Variants in ERC1 observed in about 807,000 individuals in gnomAD.
ERC1 encodes the protein ELKS/RAB6-interacting/CAST family member 1.
A neutral mutation model predicts 132.0 loss-of-function variants in ERC1; 56 were observed. The observed-to-expected ratio is 0.42, with a 90% CI of 0.34 to 0.53. The LOEUF is 0.53. Ranked by LOEUF, ERC1 falls within the 20% of genes least tolerant of loss-of-function variation. The pLI, the probability that ERC1 is intolerant of heterozygous loss-of-function variation, is 0.03. For missense variants in ERC1, 1,202 were observed against 1,349.9 expected, an observed-to-expected ratio of 0.89 and a Z score of 1.72; for synonymous variants, 478 against 476.1, an observed-to-expected ratio of 1.00 and a Z score of -0.05.
intron 8 of ERC1, chr12:1,151,705 C>T (rs527565585): frequency 7.2e-5 from 11 of 151,908 alleles, no homozygotes; most frequent in South Asian, 2.1e-4. Context: ...TTCTACCTAA[C>T]GCTGTTGACA....
intron 15 of ERC1, among the ~76,000 whole-genome samples, chr12:1,362,975 G>T (rs1460427859): frequency 6.6e-6 from 1 of 152,142 alleles, no homozygotes; most frequent in African/African-American, 2.4e-5. Flanking sequence ...AAAGTAACTT[G>T]ATTAAGGAAT....
At chr12:1,180,427 C>T in intron 8 of ERC1, 113 bp from the exon 9 acceptor site, 1 of 871,002 alleles carries the variant, frequency 1.1e-6, no homozygotes, top group Non-Finnish European at 1.7e-6. Flanking sequence ...CTACAGAATG[C>T]ACACACACAG....
At chr12:1,245,503 G>A (rs1159884156) in intron 13 of ERC1, among the ~76,000 whole-genome samples, 1 of 152,094 alleles carries the variant, frequency 6.6e-6, no homozygotes, top group African/African-American at 2.4e-5. Context: ...TATATTGAAA[G>A]TGCTCTGAAA....
intron 2 of ERC1, among the ~76,000 whole-genome samples, chr12:1,076,101 G>A (rs112983770): frequency 0.025 from 3,779 of 152,206 alleles, 146 homozygotes; most frequent in African/African-American, 0.086. Flanking sequence ...GAATATTGTT[G>A]TTAATTTAAA....
At chr12:1,303,803 A>G (rs2080610902) in intron 15 of ERC1, among the ~76,000 whole-genome samples, 1 of 151,792 alleles carries the variant, frequency 6.6e-6, no homozygotes, top group African/African-American at 2.4e-5. Flanking sequence ...AAAAATACAA[A>G]ATTAGCTGGG....
rs777461335 is a variant in ERC1 at position 1,183,388 on chromosome 12, G to A, written c.2124G>A (p.Glu708=). The part of the protein sequence containing the change: ...TLEIALEQKK[E]ECLKMESQLK... The stretch of plus-strand genomic sequence containing the variant: ...AGATTGCTTTGGAGCAGAAGAAGGA[G>A]GAGTGTCTGAAAATGGAATCACAAT... Residue 708 remains glutamate, a synonymous_variant, in exon 11 of 19, where the codon GAG becomes GAA. Coordinates refer to ENST00000360905, the MANE Select transcript of ERC1 (RefSeq NM_178040.4). 1.9e-6 allele frequency: 3 copies of A among 1,587,522 alleles called. No individual in the cohort carries two copies. The highest frequency in any genetic ancestry group is 2.2e-5 in the East Asian group (1 of 44,538).
At chr12:1,203,135 G>A (rs893368030) in intron 12 of ERC1, among the ~76,000 whole-genome samples, 2 of 152,230 alleles carry the variant, frequency 1.3e-5, no homozygotes, top group African/African-American at 4.8e-5. Flanking sequence ...TCGGCTCACT[G>A]CAGCCTCCAC....
chr12:1,118,221 A>C (rs989043463), intron 7 of ERC1, among the ~76,000 whole-genome samples: 1 of 152,216 alleles, frequency 6.6e-6, no homozygotes, highest in African/African-American at 2.4e-5. Context: ...TTGCTACTGT[A>C]ATAGCTTTGG....
At chr12:1,143,810 T>C (rs1950085271) in intron 8 of ERC1, among the ~76,000 whole-genome samples, 1 of 152,130 alleles carries the variant, frequency 6.6e-6, no homozygotes, top group African/African-American at 2.4e-5. Context: ...ATACATTTAT[T>C]AAGCTTCTTC....
intron 2 of ERC1, among the ~76,000 whole-genome samples, chr12:1,073,116 A>C (rs1940706652): frequency 6.6e-6 from 1 of 152,132 alleles, no homozygotes; most frequent in Non-Finnish European, 1.5e-5. Flanking sequence ...CCTGGCCAAT[A>C]TGGTGAAACC....
At chr12:1,352,839 T>C (rs1240271046) in intron 15 of ERC1, among the ~76,000 whole-genome samples, 1 of 152,186 alleles carries the variant, frequency 6.6e-6, no homozygotes, top group Non-Finnish European at 1.5e-5. Context: ...TACAAATACA[T>C]ATTCATTATA....
intron 17 of ERC1, among the ~76,000 whole-genome samples, chr12:1,418,637 TTCTTTC>T (rs1262510250): frequency 0.011 from 728 of 67,096 alleles, 5 homozygotes; most frequent in East Asian, 0.04. Flanking sequence ...CTTTCTTTCT[TTCTTTC>T]TCTCTCTCTC....
chr12:1,317,415 A>G (rs182436840), intron 15 of ERC1, among the ~76,000 whole-genome samples: 2 of 152,276 alleles, frequency 1.3e-5, no homozygotes, highest in Non-Finnish European at 2.9e-5. Flanking sequence ...ATCAGGGGCT[A>G]GGAAAGGGAT....
At chr12:1,057,757 A>T (rs1328356443) in intron 2 of ERC1, among the ~76,000 whole-genome samples, 1 of 151,704 alleles carries the variant, frequency 6.6e-6, no homozygotes, top group Non-Finnish European at 1.5e-5. Context: ...CACCACGCCC[A>T]GCTAATTTTG....
Position 1,005,349 on chromosome 12 carries a change from C to T in ERC1, c.-157+14027C>T, listed in dbSNP as rs1158477155. 3.3e-5 allele frequency among the ~76,000 whole-genome samples: 5 copies of T among 151,772 alleles called. No homozygotes were observed. In the East Asian group the frequency reaches 9.6e-4, roughly 29 times the overall value. ...GTAGAGATGGGGTTTTGCCATGTTG[C>T]CCAGGCTGGTCTCAAATTCCTGAGC... On this transcript the variant is annotated intron_variant, in intron 1 of 18. Transcript: ENST00000360905.
At chr12:991,638 G>A (rs1263354772) in intron 1 of ERC1, 1 of 152,128 alleles carries the variant, frequency 6.6e-6, no homozygotes, top group Non-Finnish European at 1.5e-5. Flanking sequence ...GGGGATCCTG[G>A]GGCGGGAGGT....
intron 8 of ERC1, among the ~76,000 whole-genome samples, chr12:1,167,737 G>A (rs1952568938): frequency 7.0e-6 from 1 of 143,462 alleles, no homozygotes; most frequent in Non-Finnish European, 1.5e-5. Context: ...TTTTTTCCGA[G>A]ATGGAGTCTC....
chr12:1,197,466 T>C (rs1019309015), intron 12 of ERC1, among the ~76,000 whole-genome samples: 1 of 152,196 alleles, frequency 6.6e-6, no homozygotes, highest in African/African-American at 2.4e-5. Flanking sequence ...AGCTAGATGA[T>C]TCAGAGTCTG....
Position 1,171,139 on chromosome 12 carries a change from C to T in ERC1, c.1738-9401C>T, listed in dbSNP as rs181571611. On this transcript the variant is annotated intron_variant, in intron 8 of 18. Coordinates refer to ENST00000360905, the MANE Select transcript of ERC1 (RefSeq NM_178040.4). ...AACACAACTGACAGGGAAACCCAAC[C>T]AAGGAAGTGTTACTTGCTACCCGAC... Among the ~76,000 whole-genome samples, 11 of 152,262 alleles carry T rather than the reference C, an allele frequency of 7.2e-5. No individual in the cohort carries two copies. In the East Asian group the frequency reaches 2.1e-3, roughly 29 times the overall value.
Sources: gnomAD v4.1 joint callset for allele counts (sites outside exome capture counted in the v4.1 genomes callset) on GRCh38, gnomAD v4.1.1 for gene constraint, MANE v1.5 for transcripts, NCBI Gene and HGNC (gene_info 2026-07-23, HGNC 2026-07-21) for gene names.